FLI1: variants seen among roughly 807,000 people sequenced by gnomAD.
FLI1 encodes Friend leukemia integration 1 transcription factor.
In FLI1, 13 loss-of-function variants were observed where a neutral mutation model predicts 53.1. The ratio of observed to expected loss-of-function variants is 0.24; its 90% CI spans 0.16 to 0.39. FLI1 has a LOEUF of 0.39. Ranked by LOEUF, FLI1 falls within the 10% of genes least tolerant of loss-of-function variation. FLI1 has a pLI of 1.00. For missense variants in FLI1, 424 were observed against 600.5 expected (o/e 0.71, Z 3.07); for synonymous variants, 244 against 236.7 (o/e 1.03, Z -0.28).
chr11:128,714,288 T>C (rs947395623), intron 1 of FLI1, among the ~76,000 whole-genome samples: 16 of 151,856 alleles, frequency 1.1e-4, no homozygotes, highest in African/African-American at 3.9e-4. Context: ...CATAAACTGC[T>C]ATCCTGATCT....
chr11:128,766,000 A>G lies in FLI1; in HGVS notation c.231-2118A>G, dbSNP rs1484389186. 2.6e-5 allele frequency among the ~76,000 whole-genome samples: 4 copies of G among 152,292 alleles called. No homozygotes were observed. In the East Asian group the frequency reaches 7.7e-4, roughly 29 times the overall value. ...TTGAAGTGTGTCCATGCATGGGAGTAAGCATATGTGTGCACGTGTTCTCTG... is the reference window on the plus strand; with the variant it reads ...TTGAAGTGTGTCCATGCATGGGAGTGAGCATATGTGTGCACGTGTTCTCTG... On this transcript the variant is annotated intron_variant, in intron 2 of 8. Transcript: ENST00000527786.
At chr11:128,734,490 G>A (rs11221450) in intron 1 of FLI1, among the ~76,000 whole-genome samples, 6,101 of 152,314 alleles carry the variant, frequency 0.04, 405 homozygotes, top group African/African-American at 0.14. Context: ...CTGAAACCAC[G>A]GTGGGAGGAA....
Position 128,694,120 on chromosome 11 carries a change from G to T in FLI1, c.-139G>T. 1 of 785,570 alleles carries T rather than the reference G, an allele frequency of 1.3e-6. No individual in the cohort carries two copies. The highest frequency in any genetic ancestry group is 1.8e-5 in the African/African-American group (1 of 54,768). 48.7% of individuals were successfully genotyped at this position (785,570 alleles called of 1,614,324 possible). A position where few individuals can be genotyped will look rare whatever the true frequency, so the allele number is the denominator to read the frequency against. ...AAACGTGCACAGGGGAGTGAGGGCA[G>T]GGCGCTCGCAGGGGGCACGCAGGGA... On this transcript the variant is annotated 5_prime_UTR_variant, in exon 1 of 9. The change creates a new upstream start codon in the 5' untranslated region. Transcript: ENST00000527786.
intron 5 of FLI1, among the ~76,000 whole-genome samples, chr11:128,785,273 C>A (rs1294596236): frequency 6.6e-6 from 1 of 152,110 alleles, no homozygotes; most frequent in Non-Finnish European, 1.5e-5. Flanking sequence ...GCAGCCACAA[C>A]TGTCATCTGT....
At chr11:128,706,210 C>T (rs1316296802) in intron 1 of FLI1, among the ~76,000 whole-genome samples, 2 of 152,174 alleles carry the variant, frequency 1.3e-5, no homozygotes, top group East Asian at 3.8e-4. Flanking sequence ...ACTCTAGAAA[C>T]ATGCGTATAG....
intron 1 of FLI1, among the ~76,000 whole-genome samples, chr11:128,694,654 G>C (rs1281943155): frequency 2.6e-5 from 4 of 151,836 alleles, no homozygotes; most frequent in African/African-American, 9.7e-5. Context: ...GGCTCCCGTG[G>C]CCCCAGCGCT....
intron 4 of FLI1, among the ~76,000 whole-genome samples, chr11:128,780,867 G>T (rs76477130): frequency 0.02 from 3,006 of 152,248 alleles, 102 homozygotes; most frequent in African/African-American, 0.068. Flanking sequence ...TGAGCTTATG[G>T]TATGTTTTAT....
chr11:128,771,323 G>A (rs1361496661), intron 3 of FLI1, among the ~76,000 whole-genome samples: 1 of 152,172 alleles, frequency 6.6e-6, no homozygotes, highest in African/African-American at 2.4e-5. Flanking sequence ...GCACAACACA[G>A]CAGCCACTCT....
chr11:128,768,743 C>T (rs1204335725), intron 3 of FLI1, among the ~76,000 whole-genome samples: 3 of 151,086 alleles, frequency 2.0e-5, no homozygotes, highest in South Asian at 2.1e-4. Context: ...CCTAGCTGCC[C>T]TTTAAGGCAG....
chr11:128,690,327 G>T (rs1398029413), upstream of FLI1, among the ~76,000 whole-genome samples: 1 of 152,192 alleles, frequency 6.6e-6, no homozygotes, highest in African/African-American at 2.4e-5. Flanking sequence ...GACGAAGGAC[G>T]GAGGGAGAGG....
At chr11:128,747,246 C>T (rs557182160) in intron 1 of FLI1, among the ~76,000 whole-genome samples, 2 of 152,312 alleles carry the variant, frequency 1.3e-5, no homozygotes, top group South Asian at 2.1e-4. Context: ...AGGGAAATGA[C>T]GAATCTCAGC....
intron 6 of FLI1, chr11:128,805,842 A>T (rs932101687): frequency 9.4e-5 from 15 of 159,442 alleles, no homozygotes; most frequent in Non-Finnish European, 2.7e-5. Context: ...AGATTTCCTC[A>T]TATCATCATC....
chr11:128,790,129 A>C (rs1254144653), intron 5 of FLI1, among the ~76,000 whole-genome samples: 1 of 151,644 alleles, frequency 6.6e-6, no homozygotes, highest in Non-Finnish European at 1.5e-5. Flanking sequence ...CAAAGGCAAG[A>C]TTTATGATTA....
Position 128,768,245 on chromosome 11 carries a change from A to T in FLI1, c.358A>T (p.Asn120Tyr), listed in dbSNP as rs1397078147. 9 of 1,613,848 alleles carry T rather than the reference A, an allele frequency of 5.6e-6. No homozygotes were observed. The highest frequency in any genetic ancestry group is 7.6e-6 in the Non-Finnish European group (9 of 1,179,886). Residue 120 changes from asparagine to tyrosine, a missense_variant, in exon 3 of 9, where the codon AAC (asparagine) becomes TAC (tyrosine). By Grantham distance (143) the Asn-to-Tyr change is moderately radical. This residue lies in a region of FLI1 where 137 missense variants were observed against 169.1 expected (regional missense o/e 0.81). Transcript: ENST00000527786. ...NGPPPPNMTT[N>Y]ERRVIVPADP... Reference sequence around the variant, plus strand: ...CCCCCCTCCTCCCAACATGACCACCAACGAGAGGAGAGTCATCGTCCCCGC... The same window carrying T: ...CCCCCCTCCTCCCAACATGACCACCTACGAGAGGAGAGTCATCGTCCCCGC...
chr11:128,788,417 G>A (rs569612800), intron 5 of FLI1, among the ~76,000 whole-genome samples: 8 of 152,112 alleles, frequency 5.3e-5, no homozygotes, highest in South Asian at 4.1e-4. Flanking sequence ...TGCAGTGAGC[G>A]AAGATCACAC....
At chr11:128,791,437 C>A (rs553564287) in intron 5 of FLI1, among the ~76,000 whole-genome samples, 1 of 152,304 alleles carries the variant, frequency 6.6e-6, no homozygotes, top group African/African-American at 2.4e-5. Flanking sequence ...GTCTTGTGCA[C>A]CCTTCCCCAG....
rs531300094 is a variant in FLI1, at chr11:128,769,513, T to C, written c.385+1241T>C. On this transcript the variant is annotated intron_variant, in intron 3 of 8. Transcript: ENST00000527786. The stretch of plus-strand genomic sequence containing the variant: ...GCCTCCTGCCTTGGCCCGTGGTGTT[T>C]GTTTTCCCTGGGAAGCTGCATCTCA... Among the ~76,000 whole-genome samples, 13 of 152,280 alleles carry C rather than the reference T, an allele frequency of 8.5e-5. No homozygotes were observed. The South Asian group carries it at 2.7e-3, about 32-fold the overall frequency.
At position 128,812,881 on chromosome 11, in the gene FLI1, C is replaced by T. The variant is rs557715616; in HGVS notation, c.*1893C>T. On this transcript the variant is annotated 3_prime_UTR_variant, in exon 9 of 9. Coordinates refer to ENST00000527786, the MANE Select transcript of FLI1 (RefSeq NM_002017.5). The stretch of plus-strand genomic sequence containing the variant: ...TTTTCTTCCCAAGGAAGAAACTTGC[C>T]TCCAGTTCCTTCACTGTTAGGTAGC... 4.4e-5 allele frequency: 5 copies of T among 114,470 alleles called. No homozygotes were observed. The South Asian group carries it at 1.6e-3, about 36-fold the overall frequency. The allele number at this position is 114,470 out of a possible 1,614,324, so 7.1% of individuals were successfully genotyped here.
intron 5 of FLI1, among the ~76,000 whole-genome samples, chr11:128,784,524 C>G (rs181500005): frequency 6.6e-6 from 1 of 152,118 alleles, no homozygotes; most frequent in Non-Finnish European, 1.5e-5. Flanking sequence ...CCTCTAGAGA[C>G]GATTAAGCCT....
Sources: allele counts gnomAD v4.1 joint callset (sites outside exome capture counted in the v4.1 genomes callset), GRCh38; gene constraint gnomAD v4.1.1; regional missense constraint gnomAD v4.1.1; transcripts MANE v1.5; gene names NCBI Gene and HGNC (gene_info 2026-07-23, HGNC 2026-07-21).